The following SIK3 variants were observed in gnomAD, a reference collection of about 807,000 sequenced individuals.
SIK3 encodes the protein serine/threonine-protein kinase SIK3.
A neutral mutation model predicts 144.2 loss-of-function variants in SIK3; 28 were observed. That is an observed-to-expected ratio of 0.19 (90% CI 0.14 to 0.27). The LOEUF (loss-of-function observed/expected upper bound fraction) is 0.27, where lower values mean the gene tolerates loss of function less well. Among genes scored for constraint, SIK3 ranks in the 10% least tolerant of loss-of-function variants. The pLI, the probability that SIK3 is intolerant of heterozygous loss-of-function variation, is 1.00. For synonymous variants in SIK3, 686 were observed against 676.3 expected, an observed-to-expected ratio of 1.01 and a Z score of -0.22; for missense variants, 1,319 against 1,776.0, an observed-to-expected ratio of 0.74 and a Z score of 4.62.
intron 12 of SIK3, 92 bp from the exon 13 acceptor site, chr11:116,873,728 C>A (rs999316285): frequency 6.7e-7 from 1 of 1,486,842 alleles, no homozygotes; most frequent in Non-Finnish European, 9.0e-7. Context: ...ATTAAGGGAG[C>A]CATGGGTCAT....
chr11:117,023,660 T>C (rs909225896), intron 1 of SIK3, among the ~76,000 whole-genome samples: 6 of 142,700 alleles, frequency 4.2e-5, no homozygotes, highest in African/African-American at 1.6e-4. Context: ...CACTGCACTA[T>C]GCCAGTGCTT....
intron 1 of SIK3, among the ~76,000 whole-genome samples, chr11:117,012,280 T>C (rs910931610): frequency 2.0e-5 from 3 of 152,192 alleles, no homozygotes; most frequent in East Asian, 1.9e-4. Context: ...AGTCCTCAAA[T>C]ACTTTTTAGA....
At chr11:117,036,962 T>C (rs909933452) in intron 1 of SIK3, among the ~76,000 whole-genome samples, 1 of 152,248 alleles carries the variant, frequency 6.6e-6, no homozygotes, top group Non-Finnish European at 1.5e-5. Context: ...TAATTAGTCA[T>C]GCAAGATCTT....
chr11:117,048,181 C>T (rs1189288000), intron 1 of SIK3, among the ~76,000 whole-genome samples: 1 of 152,132 alleles, frequency 6.6e-6, no homozygotes, highest in Non-Finnish European at 1.5e-5. Context: ...CATACTATGA[C>T]TTTCACATCA....
At chr11:116,942,607 GA>G (rs1482194445) in intron 3 of SIK3, among the ~76,000 whole-genome samples, 1 of 152,178 alleles carries the variant, frequency 6.6e-6, no homozygotes, top group Non-Finnish European at 1.5e-5. Context: ...TCTCTAATGA[GA>G]TAACATTTGA....
rs555522418 is a variant in SIK3, at chr11:117,074,221, T to C, written c.273+23922A>G. Among the ~76,000 whole-genome samples, 307 of 152,356 alleles carry C rather than the reference T, an allele frequency of 2.0e-3. 3 individuals are homozygous for C. The highest frequency in any genetic ancestry group is 6.9e-3 in the African/African-American group (285 of 41,588). Reference sequence around the variant, plus strand: ...CCTTTATGTCCCTGTAACAGGCTGATGTCCAGTTCCACTTACTCCTAGCAA... The same window carrying C: ...CCTTTATGTCCCTGTAACAGGCTGACGTCCAGTTCCACTTACTCCTAGCAA... On this transcript the variant is annotated intron_variant, in intron 1 of 24. Transcript: ENST00000445177.
chr11:117,010,020 C>A (rs1014835969), intron 1 of SIK3, among the ~76,000 whole-genome samples: 2 of 152,154 alleles, frequency 1.3e-5, no homozygotes, highest in Non-Finnish European at 2.9e-5. Flanking sequence ...ATTACCAGTT[C>A]ATCCCCAAAG....
chr11:116,954,899 G>C (rs1038795786), intron 2 of SIK3, among the ~76,000 whole-genome samples: 1 of 152,086 alleles, frequency 6.6e-6, no homozygotes, highest in Admixed American at 6.6e-5. Flanking sequence ...CAACAGTGCT[G>C]TCCAATAGAA....
In SIK3 at chr11:116,958,194, C is replaced by T. The variant is rs1333705277; in HGVS notation, c.274-1130G>A. ...GTAAAGGGAACATATACAGTACTTA[C>T]TGAGGAAAAAATCAGGAAAACAAAA... On this transcript the variant is annotated intron_variant, in intron 1 of 24. Transcript: ENST00000445177. Among the ~76,000 whole-genome samples the T allele has an allele frequency of 3.3e-5, 5 of 152,244 alleles. No homozygotes were observed. In the South Asian group the frequency reaches 1.0e-3, roughly 32 times the overall value.
At chr11:116,883,139 G>A (rs1944631842) in intron 6 of SIK3, among the ~76,000 whole-genome samples, 1 of 152,150 alleles carries the variant, frequency 6.6e-6, no homozygotes. Flanking sequence ...ACCAATGGAT[G>A]GCCTGCAACA....
At chr11:116,948,446 T>C (rs1315245326) in intron 3 of SIK3, among the ~76,000 whole-genome samples, 2 of 151,980 alleles carry the variant, frequency 1.3e-5, no homozygotes, top group African/African-American at 4.8e-5. Context: ...TCCGGCTAAT[T>C]TTTTATGTTT....
intron 3 of SIK3, among the ~76,000 whole-genome samples, chr11:116,927,915 A>C (rs1447669803): frequency 2.6e-5 from 4 of 152,230 alleles, no homozygotes; most frequent in Admixed American, 2.6e-4. Context: ...TCGATTTGAC[A>C]TAAAAACACA....
chr11:116,902,313 C>G (rs144745233), intron 4 of SIK3, among the ~76,000 whole-genome samples: 1 of 152,324 alleles, frequency 6.6e-6, no homozygotes, highest in Non-Finnish European at 1.5e-5. Context: ...AGTAACCTTT[C>G]TAGCATGTTA....
chr11:116,916,044 T>A (rs886711734), intron 4 of SIK3, among the ~76,000 whole-genome samples: 1 of 152,224 alleles, frequency 6.6e-6, no homozygotes, highest in African/African-American at 2.4e-5. Context: ...TAAGTAATTA[T>A]TTCATTTATT....
chr11:117,097,549 G>A (rs1955530387), intron 1 of SIK3, among the ~76,000 whole-genome samples: 1 of 151,420 alleles, frequency 6.6e-6, no homozygotes, highest in South Asian at 2.1e-4. Flanking sequence ...GTCTCCTCGG[G>A]ATCCCCTTCG....
chr11:116,878,537 G>A (rs1363709565), intron 6 of SIK3, among the ~76,000 whole-genome samples: 1 of 152,072 alleles, frequency 6.6e-6, no homozygotes, highest in African/African-American at 2.4e-5. Flanking sequence ...GTGCCACCAC[G>A]CCCAGCTAAT....
At position 117,023,597 on chromosome 11, in the gene SIK3, CAAACAAACAAACAAAAA is replaced by C. The variant is rs1365406496; in HGVS notation, c.274-66550_274-66534del. 3.7e-3 allele frequency among the ~76,000 whole-genome samples: 141 copies of C among 38,242 alleles called. 1 individual carries two copies. Among genetic ancestry groups the C allele is most frequent in the African/African-American group, 0.017 (94 of 5,584 alleles). 25.1% of individuals were successfully genotyped at this position (38,242 alleles called of 152,430 possible). On this transcript the variant is annotated intron_variant, in intron 1 of 24. Transcript: ENST00000445177. ...ATATTCTTAAAAACAAACAAACAAA[CAAACAAACAAACAAAAA>C]AAAAAAAATATATATATATATATAT...
In SIK3 at chr11:117,089,767, G is replaced by A. The variant is rs114940550; in HGVS notation, c.273+8376C>T. On this transcript the variant is annotated intron_variant, in intron 1 of 24. Transcript: ENST00000445177. ...TAAATTTAGTTTAAAATAACTGGCC[G>A]AAAGTATCCAACTGAGTGAGCTCAG... 1.6e-3 allele frequency among the ~76,000 whole-genome samples: 243 copies of A among 152,246 alleles called. 1 individual carries two copies. The highest frequency in any genetic ancestry group is 5.4e-3 in the African/African-American group (226 of 41,546).
chr11:116,867,856 C>A lies in SIK3; in HGVS notation c.1952+90G>T, dbSNP rs1392421342. The A allele has an allele frequency of 7.5e-7, 1 of 1,327,622 alleles. No homozygotes were observed. The highest frequency in any genetic ancestry group is 1.5e-5 in the African/African-American group (1 of 66,872). 82.2% of individuals were successfully genotyped at this position (1,327,622 alleles called of 1,614,324 possible). ...GACAGCTGGCTTCTATTTAAAGCCA[C>A]GATGCTAGTCACCGTCGCTGTGAGA... On this transcript the variant is annotated intron_variant, in intron 15 of 24. Transcript: ENST00000445177. This position sits in a 1 kb window ranked among gnomAD's most constrained non-coding sequence, Gnocchi z 4.1.
Sources: gnomAD v4.1 joint callset for allele counts (sites outside exome capture counted in the v4.1 genomes callset) on GRCh38, gnomAD v4.1.1 for gene constraint, Gnocchi (gnomAD v3.1) non-coding constraint, MANE v1.5 for transcripts, NCBI Gene and HGNC (gene_info 2026-07-23, HGNC 2026-07-21) for gene names.